Variants in ROBO2 observed in about 807,000 individuals in gnomAD.
The protein encoded by ROBO2 is roundabout homolog 2.
A neutral mutation model predicts 160.8 loss-of-function variants in ROBO2; 53 were observed. The observed-to-expected ratio is 0.33, with a 90% CI of 0.26 to 0.41. ROBO2 has a LOEUF of 0.41. ROBO2 is among the 10% of genes least tolerant of loss of function. The pLI, the probability that ROBO2 is intolerant of heterozygous loss-of-function variation, is 1.00. For synonymous variants in ROBO2, 664 were observed against 611.7 expected, an observed-to-expected ratio of 1.09 and a Z score of -1.26; for missense variants, 1,577 against 1,722.4, an observed-to-expected ratio of 0.92 and a Z score of 1.49.
At chr3:76,842,005 G>T (rs557733256) in intron 2 of ROBO2, among the ~76,000 whole-genome samples, 3 of 152,316 alleles carry the variant, frequency 2.0e-5, no homozygotes, top group Non-Finnish European at 4.4e-5. Flanking sequence ...ATGAGCATTT[G>T]TGCAATTAAC....
chr3:76,743,644 GAGA>G (rs2093838341), intron 2 of ROBO2, among the ~76,000 whole-genome samples: 2 of 152,126 alleles, frequency 1.3e-5, no homozygotes, highest in Admixed American at 6.5e-5. Context: ...GTGGTAAATA[GAGA>G]AGAATTGGGT....
intron 2 of ROBO2, among the ~76,000 whole-genome samples, chr3:77,314,067 C>G (rs987055024): frequency 2.0e-5 from 3 of 152,100 alleles, no homozygotes; most frequent in Non-Finnish European, 4.4e-5. Context: ...AAGGAGAGTT[C>G]TGGAAGCTTT....
intron 2 of ROBO2, among the ~76,000 whole-genome samples, chr3:77,238,228 T>C (rs1028587231): frequency 1.3e-5 from 2 of 152,218 alleles, no homozygotes; most frequent in Non-Finnish European, 2.9e-5. Context: ...TAGTTTTTAT[T>C]TTAACAAAGT....
chr3:76,601,100 C>T (rs2087106807), intron 2 of ROBO2, among the ~76,000 whole-genome samples: 1 of 152,198 alleles, frequency 6.6e-6, no homozygotes. Flanking sequence ...CCATGTCTCA[C>T]ATCCAGGTCA....
chr3:76,975,754 A>T (rs888584156), intron 2 of ROBO2, among the ~76,000 whole-genome samples: 1 of 152,126 alleles, frequency 6.6e-6, no homozygotes, highest in African/African-American at 2.4e-5. Flanking sequence ...AACTGTCAAA[A>T]CACAAATCTT....
intron 1 of ROBO2, among the ~76,000 whole-genome samples, chr3:77,042,439 T>A (rs887612279): frequency 1.3e-5 from 2 of 152,228 alleles, no homozygotes; most frequent in Non-Finnish European, 2.9e-5. Context: ...CAGAAATGCA[T>A]GTGTAAACTA....
At position 76,842,205 on chromosome 3, in the gene ROBO2, T is replaced by G. The variant is rs575687167; in HGVS notation, c.110-255809T>G. The stretch of plus-strand genomic sequence containing the variant: ...TGACAGAGTCATAAGATTGAAAACG[T>G]TATTACGGCTGTTGCTGTTGTAAGT... On this transcript the variant is annotated intron_variant, in intron 2 of 26. Coordinates refer to the ROBO2 transcript ENST00000487694. Among the ~76,000 whole-genome samples, 1,017 of 152,296 alleles carry G rather than the reference T, an allele frequency of 6.7e-3. 11 individuals are homozygous for G. The highest frequency in any genetic ancestry group is 8.1e-3 in the Non-Finnish European group (548 of 68,032).
intron 2 of ROBO2, among the ~76,000 whole-genome samples, chr3:76,186,007 C>G (rs1701746046): frequency 6.7e-6 from 1 of 149,792 alleles, no homozygotes; most frequent in Non-Finnish European, 1.5e-5. Context: ...TATCACAGCT[C>G]ACTGCAGCAT....
chr3:75,913,581 A>G (rs1946686341), intron 1 of ROBO2, among the ~76,000 whole-genome samples: 1 of 152,236 alleles, frequency 6.6e-6, no homozygotes, highest in African/African-American at 2.4e-5. Context: ...AAATACCCTT[A>G]GATTTGTCAA....
chr3:77,205,084 G>A (rs1181539527), intron 2 of ROBO2, among the ~76,000 whole-genome samples: 1 of 152,170 alleles, frequency 6.6e-6, no homozygotes, highest in East Asian at 1.9e-4. Flanking sequence ...GTGTTGCAAT[G>A]CTCTTTTAGC....
At chr3:77,006,046 CT>C (rs35772031) in intron 2 of ROBO2, among the ~76,000 whole-genome samples, 51,262 of 151,048 alleles carry the variant, frequency 0.34, 9,324 homozygotes, top group East Asian at 0.65. Flanking sequence ...TGCTTATAGA[CT>C]TTTTTTTTCA....
intron 2 of ROBO2, among the ~76,000 whole-genome samples, chr3:75,986,059 G>T: frequency 6.6e-6 from 1 of 151,510 alleles, no homozygotes; most frequent in East Asian, 1.9e-4. Context: ...GTATATACCT[G>T]GATTGGGGTG....
At chr3:76,003,411 T>G (rs1197806144) in intron 2 of ROBO2, among the ~76,000 whole-genome samples, 1 of 152,202 alleles carries the variant, frequency 6.6e-6, no homozygotes, top group African/African-American at 2.4e-5. Context: ...AAAAATTGCT[T>G]TTAAAAAATC....
At chr3:76,236,313 C>T (rs972414) in intron 2 of ROBO2, among the ~76,000 whole-genome samples, 141,487 of 152,166 alleles carry the variant, frequency 0.93, 65,855 homozygotes, top group East Asian at 0.98. Flanking sequence ...TTAAGAAACA[C>T]GGAATTATGT....
intron 1 of ROBO2, among the ~76,000 whole-genome samples, chr3:77,083,080 A>G (rs1446989611): frequency 6.6e-6 from 1 of 152,044 alleles, no homozygotes; most frequent in Non-Finnish European, 1.5e-5. Flanking sequence ...TCTGCATCTC[A>G]TTTCTCCCCC....
intron 2 of ROBO2, among the ~76,000 whole-genome samples, chr3:77,271,046 G>T (rs1377545505): frequency 1.3e-5 from 2 of 151,122 alleles, no homozygotes; most frequent in African/African-American, 2.4e-5. Flanking sequence ...GCACATATAG[G>T]GTACATTTTT....
chr3:77,473,529 C>A (rs541274982), intron 2 of ROBO2, among the ~76,000 whole-genome samples: 240 of 144,954 alleles, frequency 1.7e-3, no homozygotes, highest in Non-Finnish European at 3.1e-3. Flanking sequence ...ACTCGACTCA[C>A]TGCAAGCTCC....
chr3:77,622,351 G>C (rs1451350738), exon 23 of ROBO2: 1 of 1,614,126 alleles, frequency 6.2e-7, no homozygotes, highest in Admixed American at 1.7e-5. Flanking sequence ...CGAAGAGGAA[G>C]CTTTAGAAAT....
intron 1 of ROBO2, among the ~76,000 whole-genome samples, chr3:77,061,736 T>A (rs559328685): frequency 2.6e-5 from 4 of 152,264 alleles, no homozygotes; most frequent in Middle Eastern, 3.4e-3. Flanking sequence ...TTGCATCCAT[T>A]TTTGAGCTTC....
Sources: gnomAD v4.1 joint callset for allele counts (sites outside exome capture counted in the v4.1 genomes callset) on GRCh38, gnomAD v4.1.1 for gene constraint, MANE v1.5 for transcripts, NCBI Gene and HGNC (gene_info 2026-07-23, HGNC 2026-07-21) for gene names.